EIF2B3: variants seen among roughly 807,000 people sequenced by gnomAD.
EIF2B3 encodes translation initiation factor eIF2B subunit gamma.
Under a neutral mutation model 54.1 loss-of-function variants are expected in EIF2B3, and 20 were observed. That is an observed-to-expected ratio of 0.37 (90% CI 0.26 to 0.54). EIF2B3 has a LOEUF of 0.54. Ranked by LOEUF, EIF2B3 falls within the 20% of genes least tolerant of loss-of-function variation. The pLI, the probability that EIF2B3 is intolerant of heterozygous loss-of-function variation, is 0.86. For missense variants in EIF2B3, 448 were observed against 547.8 expected (o/e 0.82, Z 1.82); for synonymous variants, 153 against 188.1 (o/e 0.81, Z 1.52).
rs186117149 is a variant in EIF2B3, at chr1:44,965,946, G to A, written c.294+12369C>T. ...TGAGCCACCATGCCTGGCCAAAAGTGTATACCATATTCTTACTTCTCTCCT... is the reference window on the plus strand; with the variant it reads ...TGAGCCACCATGCCTGGCCAAAAGTATATACCATATTCTTACTTCTCTCCT... On this transcript the variant is annotated intron_variant, in intron 3 of 11. Transcript: ENST00000360403. 1.6e-4 allele frequency among the ~76,000 whole-genome samples: 24 copies of A among 151,940 alleles called. No homozygotes were observed. The East Asian group carries it at 4.3e-3, about 27-fold the overall frequency.
intron 6 of EIF2B3, among the ~76,000 whole-genome samples, chr1:44,882,689 AC>A (rs1557669160): frequency 6.7e-6 from 1 of 149,994 alleles, no homozygotes; most frequent in African/African-American, 2.5e-5. Context: ...ATCTCAGCTC[AC>A]TGCAACCTCT....
Position 44,941,540 on chromosome 1 carries a change from TTCTA to T in EIF2B3, c.416_419del (p.Ile139AsnfsTer68). On this transcript the variant is annotated frameshift_variant, in exon 4 of 12. Transcript: ENST00000360403. LOFTEE classifies it high-confidence loss of function. ...TTTTCCCCTTTTGACCGGGAACAGGTTCTATGCTATCTTGGCCTTTTCTCATCAA... is the reference window on the plus strand; with the variant it reads ...TTTTCCCCTTTTGACCGGGAACAGGTTGCTATCTTGGCCTTTTCTCATCAA... 6.2e-7 allele frequency: 1 copy of T among 1,613,152 alleles called. No homozygotes were observed. Among genetic ancestry groups the T allele is most frequent in the Non-Finnish European group, 8.5e-7 (1 of 1,179,528 alleles).
chr1:44,888,140 A>G (rs1655661124), intron 6 of EIF2B3, among the ~76,000 whole-genome samples: 1 of 152,158 alleles, frequency 6.6e-6, no homozygotes, highest in Admixed American at 6.5e-5. Flanking sequence ...ACAGGGCCCA[A>G]CTGGGGGCAA....
At chr1:44,899,480 A>G (rs1470730384) in intron 5 of EIF2B3, among the ~76,000 whole-genome samples, 1 of 152,220 alleles carries the variant, frequency 6.6e-6, no homozygotes, top group East Asian at 1.9e-4. Flanking sequence ...TAAATCAACA[A>G]GCAAAAAACA....
At chr1:44,917,710 CT>C (rs200823665) in intron 5 of EIF2B3, among the ~76,000 whole-genome samples, 1,556 of 133,930 alleles carry the variant, frequency 0.012, 33 homozygotes, top group African/African-American at 0.04. Context: ...ATTTGTAACT[CT>C]TTTAGCAGAT....
intron 1 of EIF2B3, among the ~76,000 whole-genome samples, chr1:44,984,355 C>T (rs1009842375): frequency 4.0e-5 from 6 of 151,550 alleles, no homozygotes; most frequent in Admixed American, 2.6e-4. Flanking sequence ...TATGGTGGCG[C>T]ATGCCTGTAG....
chr1:44,909,638 A>G (rs1643475317), intron 5 of EIF2B3, among the ~76,000 whole-genome samples: 1 of 152,340 alleles, frequency 6.6e-6, no homozygotes, highest in South Asian at 2.1e-4. Flanking sequence ...TCTTACAGCC[A>G]TATCATTTTA....
intron 3 of EIF2B3, chr1:44,959,048 T>C (rs938319271): frequency 4.4e-5 from 33 of 746,680 alleles, no homozygotes; most frequent in Non-Finnish European, 1.2e-5. Context: ...GAGAAACTTA[T>C]GGAACGCCAT....
At chr1:44,878,038 C>G (rs575198978) in intron 8 of EIF2B3, among the ~76,000 whole-genome samples, 1 of 152,202 alleles carries the variant, frequency 6.6e-6, no homozygotes, top group Non-Finnish European at 1.5e-5. Context: ...CACCTGTGAT[C>G]TGGACAAGTC....
At chr1:44,946,442 A>C (rs1414717280) in intron 3 of EIF2B3, among the ~76,000 whole-genome samples, 11 of 117,564 alleles carry the variant, frequency 9.4e-5, no homozygotes, top group African/African-American at 2.0e-4. Context: ...CCTTCATAAT[A>C]CCTTTTTTTT....
At chr1:44,855,741 G>C (rs1654413163) in intron 11 of EIF2B3, among the ~76,000 whole-genome samples, 1 of 152,066 alleles carries the variant, frequency 6.6e-6, no homozygotes, top group Non-Finnish European at 1.5e-5. Context: ...ATTTTTAGTA[G>C]AGACGGGGTT....
At chr1:44,854,463 G>A (rs1285730029) in intron 11 of EIF2B3, among the ~76,000 whole-genome samples, 1 of 151,946 alleles carries the variant, frequency 6.6e-6, no homozygotes, top group African/African-American at 2.4e-5. Flanking sequence ...TCGTGTTGGT[G>A]CTAGAAGAGG....
At chr1:44,975,361 G>A (rs1475188556) in intron 3 of EIF2B3, among the ~76,000 whole-genome samples, 2 of 152,098 alleles carry the variant, frequency 1.3e-5, no homozygotes, top group African/African-American at 4.8e-5. Context: ...TGCATTGTTA[G>A]GTGATTTCGT....
At chr1:44,854,192 G>C (rs889620000) in intron 11 of EIF2B3, among the ~76,000 whole-genome samples, 23 of 152,130 alleles carry the variant, frequency 1.5e-4, no homozygotes, top group African/African-American at 4.8e-4. Context: ...TAGTAGAGAT[G>C]AGGTTTCACC....
intron 6 of EIF2B3, among the ~76,000 whole-genome samples, chr1:44,888,132 A>G (rs1387227978): frequency 6.6e-6 from 1 of 152,196 alleles, no homozygotes; most frequent in Non-Finnish European, 1.5e-5. Context: ...TACAGATGAC[A>G]GGGCCCAACT....
Position 44,926,651 on chromosome 1 carries a change from G to T in EIF2B3, c.543C>A (p.Val181=). Residue 181 remains valine (V), a synonymous_variant, in exon 5 of 12, where the codon GTC becomes GTA. Coordinates refer to ENST00000360403, the MANE Select transcript of EIF2B3 (RefSeq NM_020365.5). ...ACTTCTGTAGGATGGATCCCTTAAT[G>T]ACCAGCTCTTCATCCAAGTCTGCTT... ...ANEADLDEEL[V]IKGSILQKHP... 6.2e-7 allele frequency: 1 copy of T among 1,613,860 alleles called. No individual in the cohort carries two copies. Among genetic ancestry groups the T allele is most frequent in the South Asian group, 1.1e-5 (1 of 91,044 alleles).
At chr1:44,857,492 T>C (rs1039263388) in intron 11 of EIF2B3, among the ~76,000 whole-genome samples, 10 of 151,642 alleles carry the variant, frequency 6.6e-5, no homozygotes, top group Non-Finnish European at 1.5e-5. Flanking sequence ...GATTGCACCA[T>C]TGCACACCAG....
At chr1:44,907,672 G>A (rs914922517) in intron 5 of EIF2B3, among the ~76,000 whole-genome samples, 45 of 151,942 alleles carry the variant, frequency 3.0e-4, no homozygotes, top group African/African-American at 1.1e-3. Context: ...AGGCTGAGGT[G>A]GGGGGATCAC....
chr1:44,917,515 A>C (rs936650107), intron 5 of EIF2B3, among the ~76,000 whole-genome samples: 18 of 151,766 alleles, frequency 1.2e-4, no homozygotes, highest in African/African-American at 4.3e-4. Flanking sequence ...AAAAGAAAAA[A>C]AAATCTTCAG....
Sources: allele counts gnomAD v4.1 joint callset (sites outside exome capture counted in the v4.1 genomes callset), GRCh38; gene constraint gnomAD v4.1.1; transcripts MANE v1.5; gene names NCBI Gene and HGNC (gene_info 2026-07-23, HGNC 2026-07-21).